CADPS2: variants seen among roughly 807,000 people sequenced by gnomAD.
CADPS2 encodes the protein calcium-dependent secretion activator 2.
CADPS2 carries 93 observed loss-of-function variants against 172.5 expected under a neutral mutation model. The ratio of observed to expected loss-of-function variants is 0.54; its 90% CI spans 0.46 to 0.64. The LOEUF is 0.64. Ranked by LOEUF, CADPS2 falls within the 30% of genes least tolerant of loss-of-function variation. The pLI is 0.00. For synonymous variants in CADPS2, 546 were observed against 555.2 expected (o/e 0.98, Z 0.23); for missense variants, 1,420 against 1,565.9 (o/e 0.91, Z 1.57).
chr7:122,884,344 T>C (rs147583138), intron 1 of CADPS2, among the ~76,000 whole-genome samples: 37 of 152,254 alleles, frequency 2.4e-4, no homozygotes, highest in African/African-American at 8.7e-4. Flanking sequence ...ACAGACTCAA[T>C]TAGAGCAGCT....
chr7:122,712,028 A>T (rs56964412), intron 2 of CADPS2, among the ~76,000 whole-genome samples: 9,607 of 151,518 alleles, frequency 0.063, 368 homozygotes, highest in South Asian at 0.17. Flanking sequence ...TTTTAAATTT[A>T]AAAAAAAACA....
At chr7:122,874,987 A>G (rs929789494) in intron 1 of CADPS2, among the ~76,000 whole-genome samples, 1 of 152,172 alleles carries the variant, frequency 6.6e-6, no homozygotes, top group African/African-American at 2.4e-5. Context: ...CACTGAACAA[A>G]ACAGAAAATA....
chr7:122,534,827 G>T (rs562455654), intron 8 of CADPS2, among the ~76,000 whole-genome samples: 1 of 151,934 alleles, frequency 6.6e-6, no homozygotes, highest in African/African-American at 2.4e-5. Flanking sequence ...AATATCCAAG[G>T]TTCCTTAGCC....
intron 6 of CADPS2, among the ~76,000 whole-genome samples, chr7:122,605,925 A>G (rs1193944831): frequency 6.6e-6 from 1 of 152,184 alleles, no homozygotes; most frequent in Non-Finnish European, 1.5e-5. Context: ...AAGAAAATAA[A>G]TAGATGGGAG....
chr7:122,520,986 C>T (rs1248485576), intron 8 of CADPS2, among the ~76,000 whole-genome samples: 3 of 151,942 alleles, frequency 2.0e-5, no homozygotes, highest in Non-Finnish European at 4.4e-5. Context: ...GAGTCTAGCG[C>T]TTTATTCAAA....
chr7:122,577,162 C>T (rs1396077490), intron 7 of CADPS2, among the ~76,000 whole-genome samples: 2 of 152,072 alleles, frequency 1.3e-5, no homozygotes, highest in African/African-American at 2.4e-5. Flanking sequence ...CTGTAAGTTT[C>T]CTGAGGCTTC....
chr7:122,719,386 A>C (rs1384727057), intron 2 of CADPS2, among the ~76,000 whole-genome samples: 1 of 147,668 alleles, frequency 6.8e-6, no homozygotes, highest in Non-Finnish European at 1.5e-5. Context: ...CTATCTGACT[A>C]TCCCCCTATC....
At chr7:122,477,000 GA>G (rs1586436854) in intron 12 of CADPS2, among the ~76,000 whole-genome samples, 6,873 of 42,930 alleles carry the variant, frequency 0.16, 530 homozygotes, top group Middle Eastern at 0.24. Flanking sequence ...GGGGAGGGGA[GA>G]GGAGAGGAGA....
intron 2 of CADPS2, among the ~76,000 whole-genome samples, chr7:122,682,547 A>C (rs1324139930): frequency 2.0e-5 from 3 of 152,220 alleles, no homozygotes; most frequent in Non-Finnish European, 4.4e-5. Context: ...AAGCCTCATA[A>C]TATATCTAAT....
chr7:122,666,389 G>C (rs1424675619), intron 2 of CADPS2, among the ~76,000 whole-genome samples: 2 of 142,726 alleles, frequency 1.4e-5, no homozygotes, highest in Admixed American at 1.5e-4. Context: ...TGTCACCCAG[G>C]CTGGAGTGCA....
intron 29 of CADPS2, among the ~76,000 whole-genome samples, chr7:122,324,613 TATACACACATTATGTGTGTGGGTAC>T (rs1337341843): frequency 2.7e-4 from 41 of 152,230 alleles, no homozygotes; most frequent in Admixed American, 1.8e-3. Context: ...TATACTCATA[TATACACACATTATGTGTGTGGGTAC>T]ATACACACAT....
At chr7:122,361,423 G>A (rs191250247) in intron 25 of CADPS2, among the ~76,000 whole-genome samples, 159 of 151,726 alleles carry the variant, frequency 1.0e-3, no homozygotes, top group African/African-American at 3.4e-3. Flanking sequence ...TAGTAGAGAC[G>A]GGGTTTTACC....
At position 122,525,795 on chromosome 7, in the gene CADPS2, G is replaced by A. The variant is rs544010910; in HGVS notation, c.1476-12480C>T. Among the ~76,000 whole-genome samples the A allele has an allele frequency of 3.9e-5, 6 of 152,246 alleles. No individual in the cohort carries two copies. In the South Asian group the frequency reaches 1.0e-3, roughly 26 times the overall value. On this transcript the variant is annotated intron_variant, in intron 8 of 29. Coordinates refer to ENST00000449022, the MANE Select transcript of CADPS2 (RefSeq NM_017954.11). ...ACTGGTTATTATATTATGGTTAATTGAGAAATTAACTGGGCTACATGGTAC... is the reference window on the plus strand; with the variant it reads ...ACTGGTTATTATATTATGGTTAATTAAGAAATTAACTGGGCTACATGGTAC...
At chr7:122,827,563 C>A (rs1805287152) in intron 1 of CADPS2, among the ~76,000 whole-genome samples, 1 of 150,638 alleles carries the variant, frequency 6.6e-6, no homozygotes, top group South Asian at 2.1e-4. Context: ...ACCTGGGAGG[C>A]GGAGGTTCTG....
intron 11 of CADPS2, among the ~76,000 whole-genome samples, chr7:122,483,377 T>C (rs774358101): frequency 6.6e-6 from 1 of 152,000 alleles, no homozygotes; most frequent in Non-Finnish European, 1.5e-5. Context: ...AAGAAAAATA[T>C]CTTCAAAATG....
At chr7:122,853,599 T>C (rs1814315090) in intron 1 of CADPS2, among the ~76,000 whole-genome samples, 1 of 152,224 alleles carries the variant, frequency 6.6e-6, no homozygotes, top group Non-Finnish European at 1.5e-5. Context: ...ATTGAACCAC[T>C]TGGTGATGTT....
At chr7:122,824,849 C>A (rs1301102804) in intron 1 of CADPS2, among the ~76,000 whole-genome samples, 1 of 152,140 alleles carries the variant, frequency 6.6e-6, no homozygotes, top group Non-Finnish European at 1.5e-5. Flanking sequence ...TCTAGTATAT[C>A]ATGTGAGGAA....
chr7:122,686,444 T>C (rs2083633083), intron 2 of CADPS2, among the ~76,000 whole-genome samples: 1 of 152,218 alleles, frequency 6.6e-6, no homozygotes, highest in Non-Finnish European at 1.5e-5. Context: ...GAAAATGAAC[T>C]ATCTGATCTA....
intron 2 of CADPS2, among the ~76,000 whole-genome samples, chr7:122,727,007 C>G (rs1159016894): frequency 6.6e-6 from 1 of 151,942 alleles, no homozygotes; most frequent in Non-Finnish European, 1.5e-5. Context: ...ACCTCCCCAT[C>G]AGAAAGCTTC....
Sources: gnomAD v4.1 joint callset for allele counts (sites outside exome capture counted in the v4.1 genomes callset) on GRCh38, gnomAD v4.1.1 for gene constraint, MANE v1.5 for transcripts, NCBI Gene and HGNC (gene_info 2026-07-23, HGNC 2026-07-21) for gene names.